CGGBP1: variants seen among roughly 807,000 people sequenced by gnomAD.
CGGBP1 encodes the protein CGG triplet repeat binding protein 1, also known as CGG triplet repeat-binding protein 1.
A neutral mutation model predicts 11.4 loss-of-function variants in CGGBP1; 4 were observed. That is an observed-to-expected ratio of 0.35 (90% confidence interval 0.17 to 0.80). The LOEUF is 0.80. Ranked by LOEUF, CGGBP1 falls within the 30% of genes least tolerant of loss-of-function variation. The probability of loss-of-function intolerance (pLI) is 0.52; values close to 1 mark genes in which losing one functional copy is unlikely to be tolerated. For missense variants in CGGBP1, 135 were observed against 202.1 expected (o/e 0.67, Z 2.01); for synonymous variants, 76 against 74.1 (o/e 1.03, Z -0.13).
chr3:88,060,450 A>T (rs1006568710), upstream of CGGBP1, among the ~76,000 whole-genome samples: 1 of 152,168 alleles, frequency 6.6e-6, no homozygotes, highest in African/African-American at 2.4e-5. Context: ...GTTCCCATTC[A>T]CAACAATCTT....
At chr3:88,121,697 T>G (rs1705777801) in intron 2 of CGGBP1, among the ~76,000 whole-genome samples, 2 of 152,228 alleles carry the variant, frequency 1.3e-5, no homozygotes, top group African/African-American at 4.8e-5. Context: ...ATAAGATTTA[T>G]GATTATTCTC....
chr3:88,144,035 A>G (rs1355135685), intron 1 of CGGBP1: 1 of 152,330 alleles, frequency 6.6e-6, no homozygotes, highest in Non-Finnish European at 1.5e-5. Context: ...TTCATCCTAC[A>G]TGGACCAAGT....
At chr3:88,098,524 A>G (rs1280616592) in intron 2 of CGGBP1, among the ~76,000 whole-genome samples, 2 of 152,146 alleles carry the variant, frequency 1.3e-5, no homozygotes, top group African/African-American at 4.8e-5. Flanking sequence ...CAGAGACACA[A>G]CAAAAAATGA....
chr3:88,060,345 G>A (rs1159242455), upstream of CGGBP1, among the ~76,000 whole-genome samples: 1 of 152,156 alleles, frequency 6.6e-6, no homozygotes, highest in African/African-American at 2.4e-5. Flanking sequence ...CAAAGTGTTT[G>A]TAATCAAATA....
At chr3:88,123,181 G>A (rs1705884488) in intron 2 of CGGBP1, among the ~76,000 whole-genome samples, 1 of 152,068 alleles carries the variant, frequency 6.6e-6, no homozygotes. Flanking sequence ...GGAACGAGGA[G>A]CCAAAAAATA....
At chr3:88,067,728 G>GTT (rs1394042245) in intron 2 of CGGBP1, among the ~76,000 whole-genome samples, 2 of 152,218 alleles carry the variant, frequency 1.3e-5, no homozygotes, top group African/African-American at 4.8e-5. Context: ...AAACAGAGCT[G>GTT]TTTTGGTGTA....
rs149384889 is a variant in CGGBP1 at position 88,081,427 on chromosome 3, G to A, written c.-228-23204C>T. On this transcript the variant is annotated intron_variant, in intron 2 of 3. Transcript: ENST00000462901. ...CAAATTTTCACTCACTATTAGCATC[G>A]ATGCATGGATGTTGTCTGCAACATT... 4.1e-4 allele frequency among the ~76,000 whole-genome samples: 62 copies of A among 152,140 alleles called. No homozygotes were observed. The East Asian group carries it at 0.011, about 26-fold the overall frequency.
intron 2 of CGGBP1, among the ~76,000 whole-genome samples, chr3:88,114,514 T>C (rs1241759302): frequency 6.6e-6 from 1 of 152,196 alleles, no homozygotes; most frequent in South Asian, 2.1e-4. Context: ...TACTTTTCTA[T>C]CTCCTGCTCT....
chr3:88,083,332 T>A (rs1708178046), intron 2 of CGGBP1, among the ~76,000 whole-genome samples: 2 of 152,230 alleles, frequency 1.3e-5, no homozygotes, highest in Admixed American at 1.3e-4. Context: ...TTTTGACTGA[T>A]GAGTCTTTTC....
At chr3:88,068,059 A>G (rs1427191437) in intron 2 of CGGBP1, among the ~76,000 whole-genome samples, 1 of 152,272 alleles carries the variant, frequency 6.6e-6, no homozygotes, top group African/African-American at 2.4e-5. Context: ...GTTGCTTTAT[A>G]TAGGAGTTTT....
rs1057070792 is a variant in CGGBP1, at chr3:88,149,769, C to A, written c.-396G>T. 5 of 265,124 alleles carry A rather than the reference C, an allele frequency of 1.9e-5. No individual in the cohort carries two copies. In the Admixed American group the frequency reaches 2.5e-4, roughly 13 times the overall value. 16.4% of individuals were successfully genotyped at this position (265,124 alleles called of 1,614,324 possible). A position where few individuals can be genotyped will look rare whatever the true frequency, so the allele number is the denominator to read the frequency against. On this transcript the variant is annotated 5_prime_UTR_variant, in exon 1 of 4. Coordinates refer to the CGGBP1 transcript ENST00000462901. The stretch of plus-strand genomic sequence containing the variant: ...GGAGGAGGGACTTCTCTTTCGGTAA[C>A]CAGCTCCCTTGCGGATAGTCTATGT...
chr3:88,097,463 A>G (rs2107701974), intron 2 of CGGBP1, among the ~76,000 whole-genome samples: 1 of 152,244 alleles, frequency 6.6e-6, no homozygotes, highest in East Asian at 1.9e-4. Flanking sequence ...ACTTGAACTC[A>G]GCTCTGCACC....
chr3:88,115,446 G>A (rs1705332700), intron 2 of CGGBP1, among the ~76,000 whole-genome samples: 1 of 152,140 alleles, frequency 6.6e-6, no homozygotes. Context: ...AAAGTGCTTG[G>A]CATAATTCCT....
rs549866049 is a variant in CGGBP1, at chr3:88,094,411, C to T, written c.-228-36188G>A. Among the ~76,000 whole-genome samples, 85 of 152,146 alleles carry T rather than the reference C, an allele frequency of 5.6e-4. 1 individual carries two copies. The highest frequency in any genetic ancestry group is 3.4e-3 in the Middle Eastern group (1 of 294). Reference sequence around the variant, plus strand: ...GTTTTATGAGCAAAGAGATAGATTACTAATTGGTATATTTCTGTTGGTAGG... The same window carrying T: ...GTTTTATGAGCAAAGAGATAGATTATTAATTGGTATATTTCTGTTGGTAGG... On this transcript the variant is annotated intron_variant, in intron 2 of 3. Coordinates refer to the CGGBP1 transcript ENST00000462901.
chr3:88,096,444 T>A (rs888257540), intron 2 of CGGBP1, among the ~76,000 whole-genome samples: 5 of 152,130 alleles, frequency 3.3e-5, no homozygotes, highest in African/African-American at 1.2e-4. Flanking sequence ...AGAAAGACCC[T>A]CATTTCTCCT....
At chr3:88,098,806 C>A (rs562474085) in intron 2 of CGGBP1, among the ~76,000 whole-genome samples, 3 of 152,136 alleles carry the variant, frequency 2.0e-5, no homozygotes, top group Non-Finnish European at 1.5e-5. Context: ...TAAAAACTCT[C>A]AATAAATTAG....
chr3:88,055,745 T>G lies in CGGBP1; in HGVS notation c.232A>C (p.Asn78His), dbSNP rs778934633. 1 of 1,614,220 alleles carries G rather than the reference T, an allele frequency of 6.2e-7. No homozygotes were observed. ...AGGGGCCTCTGCTTCTTTCTCACAT[T>G]CTGCTCTTCAAATTCTGCCTTCCTC... ...TKRKAEFEEQ[N>H]VRKKQRPLTA... Residue 78 changes from asparagine (N) to histidine (H), a missense_variant, in exon 4 of 4, where the codon AAT becomes CAT. By Grantham distance (68) the Asn-to-His change is moderately conservative. Coordinates refer to ENST00000482016, the MANE Select transcript of CGGBP1 (RefSeq NM_001008390.2). The surrounding 1 kb of genome is among the most constrained non-coding windows in gnomAD (Gnocchi z 4.2).
In CGGBP1 at chr3:88,055,457, G is replaced by A. The variant is rs771429954; in HGVS notation, c.*16C>T. 1.3e-6 allele frequency: 2 copies of A among 1,506,904 alleles called. No homozygotes were observed. The highest frequency in any genetic ancestry group is 4.5e-5 in the Admixed American group (2 of 44,456). 93.3% of individuals were successfully genotyped at this position (1,506,904 alleles called of 1,614,324 possible). A position where few individuals can be genotyped will look rare whatever the true frequency, so the allele number is the denominator to read the frequency against. ...ACTCCACATTTATCTTGATCACAATGGTGGTAACCTCCTAGTCAACAATCT... is the reference window on the plus strand; with the variant it reads ...ACTCCACATTTATCTTGATCACAATAGTGGTAACCTCCTAGTCAACAATCT... On this transcript the variant is annotated 3_prime_UTR_variant, in exon 4 of 4. Transcript: ENST00000482016. This position sits in a 1 kb window ranked among gnomAD's most constrained non-coding sequence, Gnocchi z 4.2.
intron 2 of CGGBP1, among the ~76,000 whole-genome samples, chr3:88,068,645 T>C (rs1707333830): frequency 6.6e-6 from 1 of 152,216 alleles, no homozygotes; most frequent in African/African-American, 2.4e-5. Flanking sequence ...TATATATGTA[T>C]ATGCTGTATA....
Sources: gnomAD v4.1 joint callset for allele counts (sites outside exome capture counted in the v4.1 genomes callset) on GRCh38, gnomAD v4.1.1 for gene constraint, Gnocchi (gnomAD v3.1) non-coding constraint, MANE v1.5 for transcripts, NCBI Gene and HGNC (gene_info 2026-07-23, HGNC 2026-07-21) for gene names.